The following INTS2 variants were observed in gnomAD, a reference collection of about 807,000 sequenced individuals.
INTS2 encodes the protein KIAA1287.
In INTS2, 57 loss-of-function variants were observed where a neutral mutation model predicts 139.6. The observed-to-expected ratio is 0.41, with a 90% CI of 0.33 to 0.51. The LOEUF is 0.51. INTS2 is among the 20% of genes least tolerant of loss of function. The pLI, the probability that INTS2 is intolerant of heterozygous loss-of-function variation, is 0.28. For synonymous variants in INTS2, 473 were observed against 493.4 expected (o/e 0.96, Z 0.55); for missense variants, 1,196 against 1,436.7 (o/e 0.83, Z 2.71).
intron 5 of INTS2, among the ~76,000 whole-genome samples, chr17:61,915,741 G>A (rs866893981): frequency 5.9e-4 from 82 of 138,490 alleles, no homozygotes; most frequent in African/African-American, 2.1e-3. Context: ...TGAGGCAGGA[G>A]AATGGCTGAA....
intron 11 of INTS2, among the ~76,000 whole-genome samples, chr17:61,896,534 A>T (rs1603377888): frequency 6.6e-6 from 1 of 152,260 alleles, no homozygotes; most frequent in East Asian, 1.9e-4. Flanking sequence ...ATGAAGTAAG[A>T]TGTATAAGGC....
intron 3 of INTS2, 85 bp downstream of exon 3, chr17:61,924,876 G>A: frequency 1.4e-6 from 2 of 1,379,748 alleles, no homozygotes; most frequent in Non-Finnish European, 1.0e-6. Context: ...CAACCTGCCT[G>A]ACTTCTTGTC....
At chr17:61,890,209 A>C (rs138144562) in intron 14 of INTS2, among the ~76,000 whole-genome samples, 2 of 152,356 alleles carry the variant, frequency 1.3e-5, no homozygotes, top group African/African-American at 4.8e-5. Context: ...TGAAATTACC[A>C]TGAAAAAAGT....
chr17:61,908,669 A>G (rs2079491729), intron 7 of INTS2, among the ~76,000 whole-genome samples: 3 of 152,186 alleles, frequency 2.0e-5, no homozygotes, highest in African/African-American at 7.2e-5. Flanking sequence ...TGCTTTAATA[A>G]TAACAGTAAG....
At chr17:61,874,296 TATC>T (rs1210136626) in intron 19 of INTS2, 1 of 152,226 alleles carries the variant, frequency 6.6e-6, no homozygotes, top group African/African-American at 2.4e-5. Flanking sequence ...TTACGTAACT[TATC>T]ATGTATCTAT....
At chr17:61,888,852 A>G (rs946218302) in intron 15 of INTS2, among the ~76,000 whole-genome samples, 20 of 152,048 alleles carry the variant, frequency 1.3e-4, no homozygotes, top group East Asian at 3.9e-4. Context: ...GTGAAACCCC[A>G]TCTTTACTAA....
At position 61,909,821 on chromosome 17, in the gene INTS2, GTA is replaced by G. The variant is rs879278225; in HGVS notation, c.954+1697_954+1698del. Among the ~76,000 whole-genome samples the G allele has an allele frequency of 0.19, 18,002 of 94,992 alleles. 1,307 individuals are homozygous for G. Among genetic ancestry groups the G allele is most frequent in the East Asian group, 0.24 (316 of 1,296 alleles). 62.3% of individuals were successfully genotyped at this position (94,992 alleles called of 152,430 possible). On this transcript the variant is annotated intron_variant, in intron 7 of 24. Coordinates refer to ENST00000251334, the MANE Select transcript of INTS2 (RefSeq NM_001351695.2). This position sits in a 1 kb window ranked among gnomAD's most constrained non-coding sequence, Gnocchi z 4.9. ...TATATACGTGTGTGTGTACATGTGT[GTA>G]TGTGTGTGTGTGTGTGTGTGTGTGT...
intron 5 of INTS2, among the ~76,000 whole-genome samples, chr17:61,916,278 CAA>C (rs938953812): frequency 4.6e-5 from 7 of 151,910 alleles, no homozygotes; most frequent in African/African-American, 7.3e-5. Flanking sequence ...ACTAAAAATA[CAA>C]AAAATTAGCC....
At chr17:61,898,575 G>A (rs927737087) in intron 9 of INTS2, among the ~76,000 whole-genome samples, 1 of 149,730 alleles carries the variant, frequency 6.7e-6, no homozygotes, top group African/African-American at 2.5e-5. Context: ...GAATTACAGA[G>A]GTGAGCCACC....
At chr17:61,901,246 C>T (rs890205012) in intron 9 of INTS2, among the ~76,000 whole-genome samples, 1 of 151,412 alleles carries the variant, frequency 6.6e-6, no homozygotes, top group African/African-American at 2.4e-5. Flanking sequence ...TTGCCCCGAG[C>T]AACAGAGAGA....
In INTS2 at chr17:61,907,670, T is replaced by A. The variant is rs541610493; in HGVS notation, c.955-36A>T. ...TATGGATCACAAAAGGAAGAAAGCATGAAGCATTTACTAAACTAAAAGGGA... is the reference window on the plus strand; with the variant it reads ...TATGGATCACAAAAGGAAGAAAGCAAGAAGCATTTACTAAACTAAAAGGGA... On this transcript the variant is annotated intron_variant, in intron 7 of 24. Coordinates refer to ENST00000251334, the MANE Select transcript of INTS2 (RefSeq NM_001351695.2). The A allele has an allele frequency of 2.6e-6, 4 of 1,517,806 alleles. No individual in the cohort carries two copies. The South Asian group carries it at 4.8e-5, about 18-fold the overall frequency. 94.0% of individuals were successfully genotyped at this position (1,517,806 alleles called of 1,614,324 possible).
chr17:61,878,969 G>A (rs1395507454), intron 17 of INTS2, among the ~76,000 whole-genome samples: 10 of 129,280 alleles, frequency 7.7e-5, no homozygotes, highest in East Asian at 2.6e-4. Context: ...TTACTGACCC[G>A]AAGACTAATC....
rs767894401 is a variant in INTS2, at chr17:61,889,881, C to T, written c.1889G>A (p.Arg630His). The change falls in exon 15 of 25, where the codon CGC (arginine) becomes CAC (histidine). Residue 630 changes from arginine (R) to histidine (H), a missense_variant. Arg to His is a conservative substitution (Grantham distance 29). This residue lies in a region of INTS2 where 1,129 missense variants were observed against 1,341.9 expected (regional missense o/e 0.84). Transcript: ENST00000251334. ...FQGVIGGDNI[R>H]LNQRFSITAQ... is the part of the protein sequence containing the mutation. ...TGTGATACTGAAACGCTGATTAAGG[C>T]GGATGTTGTCACCCTGGAGGTAATA... 9.3e-6 allele frequency: 15 copies of T among 1,604,904 alleles called. No homozygotes were observed. The highest frequency in any genetic ancestry group is 8.4e-5 in the Admixed American group (5 of 59,682).
intron 8 of INTS2, among the ~76,000 whole-genome samples, chr17:61,906,797 C>T (rs1402044166): frequency 4.8e-5 from 6 of 125,158 alleles, no homozygotes; most frequent in African/African-American, 1.8e-4. Context: ...CAAGCCTGGC[C>T]AACATGGTGA....
chr17:61,895,303 A>T lies in INTS2; in HGVS notation c.1563+12T>A. The T allele has an allele frequency of 6.6e-7, 1 of 1,513,862 alleles. No homozygotes were observed. Among genetic ancestry groups the T allele is most frequent in the Non-Finnish European group, 9.0e-7 (1 of 1,117,154 alleles). 93.8% of individuals were successfully genotyped at this position (1,513,862 alleles called of 1,614,324 possible). The stretch of plus-strand genomic sequence containing the variant: ...GAAAGTTAAATAAGTACCTAAGAAT[A>T]AAAAGAAATACCTGCTCAGTAAAAA... On this transcript the variant is annotated intron_variant, in intron 12 of 24. Transcript: ENST00000251334.
intron 3 of INTS2, 57 bp from the exon 4 acceptor site, chr17:61,921,884 T>A (rs1455070093): frequency 6.8e-6 from 6 of 882,694 alleles, no homozygotes; most frequent in Non-Finnish European, 1.8e-6. Flanking sequence ...ATTAAATCCC[T>A]ATTTTTATAA....
At chr17:61,901,137 G>T (rs2079400459) in intron 9 of INTS2, among the ~76,000 whole-genome samples, 2 of 151,934 alleles carry the variant, frequency 1.3e-5, no homozygotes, top group South Asian at 4.1e-4. Context: ...AATAAGCCAG[G>T]TGTGGTGGCC....
rs1392820032 is a variant in INTS2 at position 61,893,810 on chromosome 17, C to T, written c.1653G>A (p.Gln551=). The T allele has an allele frequency of 1.9e-6, 3 of 1,585,780 alleles. No homozygotes were observed. Among genetic ancestry groups the T allele is most frequent in the Middle Eastern group, 1.7e-4 (1 of 6,018 alleles). ...TGFLPIHCIY[Q]LLRSRSFTKH... ...TGGTAAAGGAACGGCTCCTGAGAAG[C>T]TGGTAAATACAATGAATAGGCAAAA... The change falls in exon 13 of 25, where the codon CAG becomes CAA. Residue 551 remains glutamine (Q), a synonymous_variant. Transcript: ENST00000251334. This position sits in a 1 kb window ranked among gnomAD's most constrained non-coding sequence, Gnocchi z 5.4.
rs1411960698 is a variant in INTS2 at position 61,865,485 on chromosome 17, CATGA to C, written c.*2068_*2071del. 6.6e-6 allele frequency: 1 copy of C among 152,566 alleles called. No individual in the cohort carries two copies. The highest frequency in any genetic ancestry group is 1.5e-5 in the Non-Finnish European group (1 of 68,016). The allele number at this position is 152,566 out of a possible 1,614,324, so 9.5% of individuals were successfully genotyped here. On this transcript the variant is annotated 3_prime_UTR_variant, in exon 25 of 25. Transcript: ENST00000251334. This position sits in a 1 kb window ranked among gnomAD's most constrained non-coding sequence, Gnocchi z 4.8. ...AATTTTATAACCTTAACTTAAAATACATGAATATTAACATTTACTAATATATTTA... is the reference window on the plus strand; with the variant it reads ...AATTTTATAACCTTAACTTAAAATACATATTAACATTTACTAATATATTTA...
Sources: gnomAD v4.1 joint callset for allele counts (sites outside exome capture counted in the v4.1 genomes callset) on GRCh38, gnomAD v4.1.1 for gene constraint, gnomAD v4.1.1 regional missense constraint, Gnocchi (gnomAD v3.1) non-coding constraint, MANE v1.5 for transcripts, NCBI Gene and HGNC (gene_info 2026-07-23, HGNC 2026-07-21) for gene names.